The following DNAJC15 variants were observed in gnomAD, a reference collection of about 807,000 sequenced individuals.
The protein encoded by DNAJC15 is DnaJ heat shock protein family (Hsp40) member C15.
Under a neutral mutation model 22.4 loss-of-function variants are expected in DNAJC15, and 27 were observed. The observed-to-expected ratio is 1.20, with a 90% CI of 0.89 to 1.66. The LOEUF (loss-of-function observed/expected upper bound fraction) is 1.66, where lower values mean the gene tolerates loss of function less well. DNAJC15 is among the 40% of genes most tolerant of loss of function. The probability of loss-of-function intolerance (pLI) is 0.00; values close to 1 mark genes in which losing one functional copy is unlikely to be tolerated. For synonymous variants in DNAJC15, 79 were observed against 63.2 expected (o/e 1.25, Z -1.19); for missense variants, 208 against 187.1 (o/e 1.11, Z -0.65).
At chr13:43,104,282 C>CAT (rs1055120327) in intron 5 of DNAJC15, among the ~76,000 whole-genome samples, 4 of 152,098 alleles carry the variant, frequency 2.6e-5, no homozygotes, top group Non-Finnish European at 5.9e-5. Flanking sequence ...TCTAGAGTTT[C>CAT]ATATATATCT....
At chr13:43,029,188 T>A (rs1237711873) in intron 1 of DNAJC15, among the ~76,000 whole-genome samples, 3 of 152,240 alleles carry the variant, frequency 2.0e-5, no homozygotes, top group African/African-American at 4.8e-5. Flanking sequence ...CACTGCTTTT[T>A]CCCCAGAACT....
At chr13:43,080,368 G>A (rs553568441) in intron 4 of DNAJC15, among the ~76,000 whole-genome samples, 1 of 152,264 alleles carries the variant, frequency 6.6e-6, no homozygotes, top group Admixed American at 6.5e-5. Flanking sequence ...GTTCATCCAT[G>A]TTTCTGCAAA....
intron 3 of DNAJC15, among the ~76,000 whole-genome samples, 195 bp from the exon 4 acceptor site, chr13:43,078,417 G>A (rs1025640627): frequency 2.4e-4 from 36 of 152,156 alleles, no homozygotes; most frequent in Non-Finnish European, 3.8e-4. Flanking sequence ...GTGAAAAAAA[G>A]TTAGTATTTT....
At chr13:43,091,647 CATT>C (rs2040715744) in intron 5 of DNAJC15, among the ~76,000 whole-genome samples, 1 of 151,934 alleles carries the variant, frequency 6.6e-6, no homozygotes, top group Non-Finnish European at 1.5e-5. Flanking sequence ...TTTTTTGCAT[CATT>C]GTTATTTCAT....
At chr13:43,060,316 A>G (rs2040552539) in intron 1 of DNAJC15, among the ~76,000 whole-genome samples, 1 of 152,138 alleles carries the variant, frequency 6.6e-6, no homozygotes. Context: ...TAGAAGGAGC[A>G]TTTGTCATAT....
At chr13:43,074,225 T>C (rs956083828) in intron 3 of DNAJC15, among the ~76,000 whole-genome samples, 11 of 152,186 alleles carry the variant, frequency 7.2e-5, no homozygotes, top group South Asian at 6.2e-4. Flanking sequence ...TTTCAGGCTA[T>C]TGAGTGAATG....
chr13:43,110,861 T>A lies in DNAJC15; in HGVS notation c.*3613T>A, dbSNP rs934143654. On this transcript the variant is annotated 3_prime_UTR_variant, in exon 6 of 6. Transcript: ENST00000379221. The stretch of plus-strand genomic sequence containing the variant: ...GCCACACCCTCCCCCCAACTCCTTA[T>A]CTGTAAAAAGCTTATTTGAGTGGTT... The A allele has an allele frequency of 2.0e-5, 3 of 152,230 alleles. No homozygotes were observed. Among genetic ancestry groups the A allele is most frequent in the Non-Finnish European group, 4.4e-5 (3 of 68,056 alleles). The allele number at this position is 152,230 out of a possible 1,614,324, so 9.4% of individuals were successfully genotyped here. A position where few individuals can be genotyped will look rare whatever the true frequency, so the allele number is the denominator to read the frequency against.
chr13:43,089,524 A>G (rs1310757476), intron 5 of DNAJC15, among the ~76,000 whole-genome samples: 1 of 152,206 alleles, frequency 6.6e-6, no homozygotes, highest in Non-Finnish European at 1.5e-5. Flanking sequence ...TAAACAAAGT[A>G]AAGGGGCTAA....
At chr13:43,093,390 ATTG>A (rs2040724398) in intron 5 of DNAJC15, among the ~76,000 whole-genome samples, 1 of 152,088 alleles carries the variant, frequency 6.6e-6, no homozygotes. Flanking sequence ...ACACTGAAAA[ATTG>A]TTTTCTTTTT....
intron 1 of DNAJC15, among the ~76,000 whole-genome samples, chr13:43,053,275 T>A (rs1210415082): frequency 6.6e-6 from 1 of 152,256 alleles, no homozygotes; most frequent in Non-Finnish European, 1.5e-5. Context: ...CCTGTTTTTG[T>A]ACCAGTACCA....
At chr13:43,103,275 G>T (rs2040780145) in intron 5 of DNAJC15, among the ~76,000 whole-genome samples, 2 of 152,126 alleles carry the variant, frequency 1.3e-5, no homozygotes, top group Non-Finnish European at 2.9e-5. Flanking sequence ...GGAGGACTTT[G>T]TTTTTTTCTC....
chr13:43,045,280 T>C (rs908826870), intron 1 of DNAJC15, among the ~76,000 whole-genome samples: 19 of 152,200 alleles, frequency 1.2e-4, no homozygotes, highest in African/African-American at 4.6e-4. Flanking sequence ...TCAGTGAAGC[T>C]TGCCCTACTC....
chr13:43,024,085 G>A (rs1764959469), intron 1 of DNAJC15, among the ~76,000 whole-genome samples: 1 of 152,202 alleles, frequency 6.6e-6, no homozygotes, highest in Non-Finnish European at 1.5e-5. Flanking sequence ...TGGGATCAGG[G>A]ACGCTTCTTG....
intron 2 of DNAJC15, among the ~76,000 whole-genome samples, chr13:43,068,054 A>G (rs2040591926): frequency 6.6e-6 from 1 of 152,170 alleles, no homozygotes; most frequent in South Asian, 2.1e-4. Flanking sequence ...CTAAAACAGT[A>G]TACATAGGTA....
chr13:43,024,913 T>TAAAAAAAAAAA (rs1566197494), intron 1 of DNAJC15, among the ~76,000 whole-genome samples: 1 of 47,144 alleles, frequency 2.1e-5, no homozygotes, highest in African/African-American at 8.7e-5. Context: ...AAAAAAAAAT[T>TAAAAAAAAAAA]AGCTGGGTGT....
intron 5 of DNAJC15, among the ~76,000 whole-genome samples, chr13:43,095,559 T>G (rs899327014): frequency 6.6e-6 from 1 of 151,864 alleles, no homozygotes; most frequent in Non-Finnish European, 1.5e-5. Flanking sequence ...TAAGAGGTCA[T>G]GGAAAGTGAA....
At chr13:43,041,403 T>A (rs577912788) in intron 1 of DNAJC15, among the ~76,000 whole-genome samples, 2 of 152,222 alleles carry the variant, frequency 1.3e-5, no homozygotes, top group Non-Finnish European at 2.9e-5. Context: ...TAACAGCATC[T>A]CAAGGCAGAA....
Position 43,039,484 on chromosome 13 carries a change from GAAGT to G in DNAJC15, c.108+15751_108+15754del, listed in dbSNP as rs1292028290. 3.3e-5 allele frequency among the ~76,000 whole-genome samples: 5 copies of G among 152,216 alleles called. No individual in the cohort carries two copies. In the East Asian group the frequency reaches 9.6e-4, roughly 29 times the overall value. On this transcript the variant is annotated intron_variant, in intron 1 of 5. Coordinates refer to ENST00000379221, the MANE Select transcript of DNAJC15 (RefSeq NM_013238.3). Reference sequence around the variant, plus strand: ...TCAACAAGTAAATTTACTGAGGGGAGAAGTGTGTGATTGAGTGTCTAGGAGTCTC... The same window carrying G: ...TCAACAAGTAAATTTACTGAGGGGAGGTGTGATTGAGTGTCTAGGAGTCTC...
intron 1 of DNAJC15, among the ~76,000 whole-genome samples, chr13:43,029,870 G>A (rs1399402718): frequency 2.0e-5 from 3 of 152,114 alleles, no homozygotes; most frequent in African/African-American, 7.2e-5. Context: ...CCAGGCACAT[G>A]GTTGCTCTGC....
Sources: allele counts gnomAD v4.1 joint callset (sites outside exome capture counted in the v4.1 genomes callset), GRCh38; gene constraint gnomAD v4.1.1; transcripts MANE v1.5; gene names NCBI Gene and HGNC (gene_info 2026-07-23, HGNC 2026-07-21).